The following ARPC2 variants were observed in gnomAD, a reference collection of about 807,000 sequenced individuals.
ARPC2 encodes the protein actin-related protein 2/3 complex subunit 2.
ARPC2 carries 4 observed loss-of-function variants against 38.6 expected under a neutral mutation model. That is an observed-to-expected ratio of 0.10 (90% CI 0.05 to 0.24). ARPC2 has a LOEUF of 0.24. Ranked by LOEUF, ARPC2 falls within the 10% of genes least tolerant of loss-of-function variation. The probability of loss-of-function intolerance (pLI) is 1.00; values close to 1 mark genes in which losing one functional copy is unlikely to be tolerated. For synonymous variants in ARPC2, 125 were observed against 140.8 expected (o/e 0.89, Z 0.79); for missense variants, 229 against 387.3 (o/e 0.59, Z 3.43).
intron 8 of ARPC2, among the ~76,000 whole-genome samples, chr2:218,246,807 C>G (rs2106158500): frequency 6.6e-6 from 1 of 152,210 alleles, no homozygotes; most frequent in East Asian, 1.9e-4. Context: ...CACACCTCTA[C>G]TAAAAATACA....
intron 7 of ARPC2, 116 bp from the exon 8 acceptor site, chr2:218,245,304 T>A (rs1574592149): frequency 1.5e-6 from 2 of 1,320,296 alleles, no homozygotes; most frequent in Non-Finnish European, 1.1e-6. Context: ...ATTTTTAACC[T>A]CCTGCTGGTC....
intron 2 of ARPC2, among the ~76,000 whole-genome samples, chr2:218,224,167 C>T (rs899104689): frequency 1.3e-5 from 2 of 152,208 alleles, no homozygotes; most frequent in South Asian, 2.1e-4. Context: ...AGGATCTGTG[C>T]TCAGGATACT....
At chr2:218,236,044 T>G (rs978549173) in intron 5 of ARPC2, 6 of 151,206 alleles carry the variant, frequency 4.0e-5, no homozygotes, top group African/African-American at 9.7e-5. Context: ...GAGCTGAGAT[T>G]GCGCCACTGC....
chr2:218,243,981 A>G (rs186503254), intron 7 of ARPC2, among the ~76,000 whole-genome samples: 2 of 152,346 alleles, frequency 1.3e-5, no homozygotes, highest in Admixed American at 6.5e-5. Flanking sequence ...ACAGTTACGT[A>G]TCTGTTCTGT....
chr2:218,225,543 C>T (rs191880610), intron 2 of ARPC2, among the ~76,000 whole-genome samples: 2 of 152,290 alleles, frequency 1.3e-5, no homozygotes, highest in East Asian at 1.9e-4. Flanking sequence ...TCCTGCTGAA[C>T]GTTTTACTCC....
At chr2:218,248,200 TA>T (rs1369793866) in intron 8 of ARPC2, among the ~76,000 whole-genome samples, 1 of 152,244 alleles carries the variant, frequency 6.6e-6, no homozygotes, top group Admixed American at 6.5e-5. Flanking sequence ...ATGGCAGACT[TA>T]CAGTCATAAG....
intron 7 of ARPC2, among the ~76,000 whole-genome samples, chr2:218,240,028 C>T (rs1689873630): frequency 6.6e-6 from 1 of 152,128 alleles, no homozygotes; most frequent in Non-Finnish European, 1.5e-5. Context: ...GAACTCAGCT[C>T]ACTGCAACCT....
chr2:218,232,198 G>A (rs1428641967), intron 4 of ARPC2, among the ~76,000 whole-genome samples: 4 of 152,024 alleles, frequency 2.6e-5, no homozygotes, highest in East Asian at 1.9e-4. Flanking sequence ...CCGAGATCAC[G>A]CCACTGCACT....
chr2:218,249,541 C>T lies in ARPC2; in HGVS notation c.777+77C>T, dbSNP rs1233956590. ...CCAGAACTCCTGACAGAAAGTCATTCCATTAGTCTACGCTGTGGATATTGA... is the reference window on the plus strand; with the variant it reads ...CCAGAACTCCTGACAGAAAGTCATTTCATTAGTCTACGCTGTGGATATTGA... On this transcript the variant is annotated intron_variant, in intron 9 of 10. Coordinates refer to ENST00000315717, the MANE Select transcript of ARPC2 (RefSeq NM_152862.3). The T allele has an allele frequency of 3.4e-6, 4 of 1,166,590 alleles. No homozygotes were observed. The African/African-American group carries it at 6.2e-5, about 18-fold the overall frequency. 72.3% of individuals were successfully genotyped at this position (1,166,590 alleles called of 1,614,324 possible). A position where few individuals can be genotyped will look rare whatever the true frequency, so the allele number is the denominator to read the frequency against.
At chr2:218,225,769 A>C (rs1431119895) in intron 2 of ARPC2, 151 bp from the exon 3 acceptor site, 3 of 645,044 alleles carry the variant, frequency 4.7e-6, no homozygotes, top group Non-Finnish European at 8.2e-6. Context: ...CAGGTCCATG[A>C]GAAAATGAAT....
intron 8 of ARPC2, among the ~76,000 whole-genome samples, chr2:218,247,601 C>A (rs758447614): frequency 2.4e-4 from 36 of 152,138 alleles, no homozygotes; most frequent in Non-Finnish European, 4.4e-4. Context: ...GTAGCTGGGA[C>A]CACAGGCGTG....
chr2:218,243,669 G>A (rs566067019), intron 7 of ARPC2, among the ~76,000 whole-genome samples: 4 of 152,300 alleles, frequency 2.6e-5, no homozygotes, highest in Admixed American at 6.5e-5. Context: ...TCAGCTACTC[G>A]TGAGGCTGAC....
intron 7 of ARPC2, among the ~76,000 whole-genome samples, chr2:218,244,394 A>G (rs1458744789): frequency 6.6e-6 from 1 of 152,210 alleles, no homozygotes; most frequent in East Asian, 1.9e-4. Flanking sequence ...GCCCTTGCCT[A>G]TTCCTGTACA....
intron 3 of ARPC2, among the ~76,000 whole-genome samples, chr2:218,226,405 G>A (rs896182234): frequency 2.6e-5 from 4 of 151,940 alleles, no homozygotes; most frequent in Middle Eastern, 3.4e-3. Flanking sequence ...CACGGCAGGC[G>A]GATCACGACG....
At chr2:218,246,175 C>G (rs1241030326) in intron 8 of ARPC2, among the ~76,000 whole-genome samples, 2 of 151,408 alleles carry the variant, frequency 1.3e-5, no homozygotes, top group Non-Finnish European at 2.9e-5. Flanking sequence ...TGAGATCGTG[C>G]CACTGGACTC....
intron 4 of ARPC2, 181 bp downstream of exon 4, chr2:218,229,031 C>G: frequency 2.1e-6 from 1 of 474,128 alleles, no homozygotes; most frequent in Non-Finnish European, 3.8e-6. Context: ...TTGACTCTTG[C>G]TTGCTTGCTT....
intron 5 of ARPC2, chr2:218,236,434 T>TGGA (rs1689770766): frequency 6.6e-6 from 1 of 152,132 alleles, no homozygotes; most frequent in Non-Finnish European, 1.5e-5. Flanking sequence ...TTAAATAAAA[T>TGGA]GTGCTAAGCA....
At chr2:218,234,264 G>A in intron 4 of ARPC2, 88 bp from the exon 5 acceptor site, 1 of 1,019,990 alleles carries the variant, frequency 9.8e-7, no homozygotes, top group Non-Finnish European at 1.5e-6. Flanking sequence ...CTTAGGAAGA[G>A]CTTGGCAAGT....
At chr2:218,252,566 G>A (rs1403185147) in intron 10 of ARPC2, among the ~76,000 whole-genome samples, 2 of 152,190 alleles carry the variant, frequency 1.3e-5, no homozygotes, top group Non-Finnish European at 2.9e-5. Context: ...GGGCCCAGTA[G>A]ACAGGCAGTT....
Sources: gnomAD v4.1 joint callset for allele counts (sites outside exome capture counted in the v4.1 genomes callset) on GRCh38, gnomAD v4.1.1 for gene constraint, MANE v1.5 for transcripts, NCBI Gene and HGNC (gene_info 2026-07-23, HGNC 2026-07-21) for gene names.